HTR2C: variants seen among roughly 807,000 people sequenced by gnomAD.
HTR2C encodes 5-hydroxytryptamine receptor 2C, also known as 5-hydroxytryptamine (serotonin) receptor 2C, G protein-coupled.
Under a neutral mutation model 21.0 loss-of-function variants are expected in HTR2C, and 5 were observed. That is an observed-to-expected ratio of 0.24 (90% confidence interval 0.12 to 0.50). The LOEUF (loss-of-function observed/expected upper bound fraction) is 0.50. Among genes scored for constraint, HTR2C ranks in the 20% least tolerant of loss-of-function variants. The probability of loss-of-function intolerance (pLI) is 0.98; values close to 1 mark genes in which losing one functional copy is unlikely to be tolerated. For synonymous variants in HTR2C, 150 were observed against 145.3 expected (o/e 1.03, Z -0.23); for missense variants, 271 against 371.2 (o/e 0.73, Z 2.22).
intron 1 of HTR2C, among the ~76,000 whole-genome samples, chrX:114,601,736 A>T (rs1179998979): frequency 9.3e-6 from 1 of 107,233 alleles, no homozygotes; most frequent in African/African-American, 3.4e-5. Context: ...CTGCCTTCTT[A>T]TATTAATAAG....
At chrX:114,834,868 G>C (rs1188499118) in intron 4 of HTR2C, among the ~76,000 whole-genome samples, 4 of 108,620 alleles carry the variant, frequency 3.7e-5, no homozygotes, top group African/African-American at 1.0e-4. Flanking sequence ...CATGTTTAGC[G>C]CTTCCTTCAG....
chrX:114,891,195 C>G, intron 5 of HTR2C, among the ~76,000 whole-genome samples: 1 of 110,653 alleles, frequency 9.0e-6, no homozygotes, highest in Admixed American at 9.7e-5. Context: ...TCATTAATAC[C>G]ATATTTGCCT....
At chrX:114,729,127 T>A (rs2069511718) in intron 3 of HTR2C, among the ~76,000 whole-genome samples, 1 of 112,129 alleles carries the variant, frequency 8.9e-6, no homozygotes, top group South Asian at 3.7e-4. Context: ...GTGCTGGATT[T>A]AAGATTACTT....
chrX:114,877,112 T>G (rs2071144860), intron 5 of HTR2C, among the ~76,000 whole-genome samples: 1 of 111,247 alleles, frequency 9.0e-6, no homozygotes, highest in South Asian at 3.7e-4. Context: ...GATTACTGTT[T>G]AATCTCCTAA....
intron 3 of HTR2C, among the ~76,000 whole-genome samples, chrX:114,729,977 T>A (rs1242553145): frequency 3.6e-5 from 4 of 112,006 alleles, no homozygotes; most frequent in African/African-American, 1.3e-4. Context: ...CCACTACATA[T>A]AGGAAATGTA....
intron 2 of HTR2C, among the ~76,000 whole-genome samples, chrX:114,615,809 C>T (rs1928925527): frequency 8.9e-6 from 1 of 112,039 alleles, no homozygotes; most frequent in Non-Finnish European, 1.9e-5. Flanking sequence ...TTTGTACACA[C>T]ACCTGTTGAC....
chrX:114,868,235 T>C (rs782404584), intron 5 of HTR2C, among the ~76,000 whole-genome samples: 9 of 111,123 alleles, frequency 8.1e-5, no homozygotes, highest in Non-Finnish European at 1.7e-4. Flanking sequence ...TTTGGTTAAT[T>C]CTTAGATATT....
At chrX:114,767,329 G>C (rs1217984816) in intron 4 of HTR2C, among the ~76,000 whole-genome samples, 2 of 110,902 alleles carry the variant, frequency 1.8e-5, no homozygotes, top group Admixed American at 9.7e-5. Flanking sequence ...CCTTATTCTA[G>C]ATCATATTCA....
chrX:114,795,500 C>G (rs1390902171), intron 4 of HTR2C, among the ~76,000 whole-genome samples: 1 of 111,571 alleles, frequency 9.0e-6, no homozygotes, highest in Non-Finnish European at 1.9e-5. Flanking sequence ...GGTTTTAGGT[C>G]TAACATTTAA....
intron 4 of HTR2C, among the ~76,000 whole-genome samples, chrX:114,830,764 T>C (rs1251563243): frequency 1.9e-5 from 2 of 103,437 alleles, no homozygotes; most frequent in African/African-American, 3.5e-5. Context: ...GTTACATATG[T>C]ATACATGTGC....
At chrX:114,879,723 A>G (rs1217859594) in intron 5 of HTR2C, among the ~76,000 whole-genome samples, 1 of 111,171 alleles carries the variant, frequency 9.0e-6, no homozygotes, top group Non-Finnish European at 1.9e-5. Flanking sequence ...TCACTTAGGA[A>G]AATAGTCTGC....
chrX:114,612,457 C>A (rs1216179117), intron 1 of HTR2C, among the ~76,000 whole-genome samples: 1 of 111,833 alleles, frequency 8.9e-6, no homozygotes, highest in Non-Finnish European at 1.9e-5. Context: ...TGTCCTACTG[C>A]AAAAATATAG....
At chrX:114,793,736 T>C (rs1195093945) in intron 4 of HTR2C, among the ~76,000 whole-genome samples, 3 of 110,195 alleles carry the variant, frequency 2.7e-5, no homozygotes, top group Non-Finnish European at 5.7e-5. Context: ...TTTTTTTTTA[T>C]TTATTCATCC....
chrX:114,659,282 A>G (rs1556409775), intron 2 of HTR2C, among the ~76,000 whole-genome samples: 9 of 111,531 alleles, frequency 8.1e-5, no homozygotes, highest in Non-Finnish European at 1.9e-5. Context: ...GTAGGGATAC[A>G]GACAAACCAT....
At chrX:114,677,960 T>G (rs1440642819) in intron 2 of HTR2C, among the ~76,000 whole-genome samples, 1 of 111,211 alleles carries the variant, frequency 9.0e-6, no homozygotes, top group Admixed American at 9.7e-5. Flanking sequence ...CACTCTTTTT[T>G]TTTTCTATTT....
intron 4 of HTR2C, among the ~76,000 whole-genome samples, chrX:114,746,708 G>A (rs984363213): frequency 9.0e-6 from 1 of 110,742 alleles, no homozygotes; most frequent in Non-Finnish European, 1.9e-5. Flanking sequence ...AAGAGAGGCC[G>A]GGCACGGTGG....
At chrX:114,831,252 A>G (rs2070723805) in intron 4 of HTR2C, among the ~76,000 whole-genome samples, 2 of 81,207 alleles carry the variant, frequency 2.5e-5, no homozygotes, top group African/African-American at 8.3e-5. Context: ...TTCTAGTTCT[A>G]GATCCCTGAG....
intron 4 of HTR2C, among the ~76,000 whole-genome samples, chrX:114,756,588 G>T (rs897332264): frequency 2.7e-5 from 3 of 112,087 alleles, no homozygotes; most frequent in East Asian, 5.6e-4. Context: ...CCCAAAACAT[G>T]ACATGCTGTA....
At chrX:114,804,811 C>T (rs2070385917) in intron 4 of HTR2C, among the ~76,000 whole-genome samples, 1 of 111,666 alleles carries the variant, frequency 9.0e-6, no homozygotes, top group South Asian at 3.7e-4. Flanking sequence ...CTGGTGTCTG[C>T]TTCCTCTACA....
Sources: allele counts gnomAD v4.1 joint callset (sites outside exome capture counted in the v4.1 genomes callset), GRCh38; gene constraint gnomAD v4.1.1; transcripts MANE v1.5; gene names NCBI Gene and HGNC (gene_info 2026-07-23, HGNC 2026-07-21).